Variants in SMC5 observed in about 807,000 individuals in gnomAD.
SMC5 encodes the protein structural maintenance of chromosomes 5.
A neutral mutation model predicts 148.3 loss-of-function variants in SMC5; 88 were observed. That is an observed-to-expected ratio of 0.59 (90% confidence interval 0.50 to 0.71). The LOEUF (loss-of-function observed/expected upper bound fraction) is 0.71, where lower values mean the gene tolerates loss of function less well. Among genes scored for constraint, SMC5 ranks in the 30% least tolerant of loss-of-function variants. The probability of loss-of-function intolerance (pLI) is 0.00; values close to 1 mark genes in which losing one functional copy is unlikely to be tolerated. For synonymous variants in SMC5, 421 were observed against 432.8 expected (o/e 0.97, Z 0.34); for missense variants, 1,142 against 1,298.9 (o/e 0.88, Z 1.86).
rs1319466894 is a variant in SMC5, at chr9:70,297,954, TTG to T, written c.1054-10_1054-9del. 6.2e-7 allele frequency: 1 copy of T among 1,606,216 alleles called. No homozygotes were observed. Among genetic ancestry groups the T allele is most frequent in the African/African-American group, 1.3e-5 (1 of 74,280 alleles). On this transcript the variant is annotated splice_polypyrimidine_tract_variant and intron_variant, in intron 8 of 24. Coordinates refer to ENST00000361138, the MANE Select transcript of SMC5 (RefSeq NM_015110.4). ...AACAGTCTCAAGTACTAACCTACTT[TTG>T]TTTTATTAGATTGAGGAACTTCAGC...
chr9:70,336,547 G>A (rs1487795892), intron 17 of SMC5, among the ~76,000 whole-genome samples: 1 of 152,168 alleles, frequency 6.6e-6, no homozygotes, highest in Non-Finnish European at 1.5e-5. Context: ...AGCAATCAAA[G>A]GTAAGTTCCA....
At chr9:70,352,140 CTA>C in intron 24 of SMC5, 49 bp from the exon 25 acceptor site, 1 of 1,465,452 alleles carries the variant, frequency 6.8e-7, no homozygotes, top group South Asian at 1.3e-5. Flanking sequence ...GGTTGGAAAA[CTA>C]TACTTCTCAG....
At chr9:70,259,455 T>G (rs1427125830) in intron 1 of SMC5, among the ~76,000 whole-genome samples, 192 bp downstream of exon 1, 1 of 152,194 alleles carries the variant, frequency 6.6e-6, no homozygotes, top group African/African-American at 2.4e-5. Context: ...ATGTAGGAGA[T>G]GTGTGCCTTG....
At chr9:70,342,208 G>C (rs2036544850) in intron 17 of SMC5, among the ~76,000 whole-genome samples, 2 of 139,822 alleles carry the variant, frequency 1.4e-5, no homozygotes, top group Non-Finnish European at 3.0e-5. Flanking sequence ...ATGGACACAG[G>C]AAGGGGAACA....
intron 17 of SMC5, among the ~76,000 whole-genome samples, chr9:70,338,981 C>G (rs1397909939): frequency 3.3e-5 from 5 of 152,044 alleles, no homozygotes; most frequent in African/African-American, 1.2e-4. Context: ...CACTGTAAGA[C>G]CTTATCTCTA....
At chr9:70,326,543 ATTACT>A (rs2036081466) in intron 17 of SMC5, among the ~76,000 whole-genome samples, 1 of 151,602 alleles carries the variant, frequency 6.6e-6, no homozygotes. Flanking sequence ...AGGGAAAGTG[ATTACT>A]TTGACTTTAT....
intron 22 of SMC5, among the ~76,000 whole-genome samples, chr9:70,349,310 A>AC (rs1389514535): frequency 6.6e-6 from 1 of 151,768 alleles, no homozygotes; most frequent in Non-Finnish European, 1.5e-5. Flanking sequence ...GAAGTGATCC[A>AC]CCCCCCTCGG....
intron 18 of SMC5, 145 bp downstream of exon 18, chr9:70,344,414 A>G: frequency 3.3e-6 from 1 of 305,856 alleles, no homozygotes. Flanking sequence ...CTGAATATAT[A>G]TATATATATA....
At chr9:70,347,232 C>A in intron 20 of SMC5, 71 bp downstream of exon 20, 1 of 1,248,158 alleles carries the variant, frequency 8.0e-7, no homozygotes. Flanking sequence ...CACACATACA[C>A]ACACAGAGTT....
chr9:70,345,990 G>A (rs957546952), intron 18 of SMC5, among the ~76,000 whole-genome samples: 4 of 152,126 alleles, frequency 2.6e-5, no homozygotes, highest in Non-Finnish European at 5.9e-5. Context: ...TGATGGATTT[G>A]ACATGAAGGA....
chr9:70,351,584 C>G (rs1443362214), intron 24 of SMC5, among the ~76,000 whole-genome samples: 1 of 152,082 alleles, frequency 6.6e-6, no homozygotes, highest in African/African-American at 2.4e-5. Context: ...GTGAAAGTAT[C>G]TACCCTAGGA....
intron 17 of SMC5, among the ~76,000 whole-genome samples, chr9:70,327,027 T>TA (rs2036099420): frequency 1.3e-5 from 2 of 152,278 alleles, no homozygotes; most frequent in Non-Finnish European, 2.9e-5. Flanking sequence ...AGAAGATACA[T>TA]AATAAAACCT....
chr9:70,317,220 A>G (rs1277551659), intron 13 of SMC5, among the ~76,000 whole-genome samples: 1 of 152,084 alleles, frequency 6.6e-6, no homozygotes, highest in Non-Finnish European at 1.5e-5. Flanking sequence ...TAATGGCTGT[A>G]TCTCTTCCTC....
At position 70,353,855 on chromosome 9, in the gene SMC5, G is replaced by GT. The variant is rs1430805411; in HGVS notation, c.*1528dup. 2 of 152,170 alleles carry GT rather than the reference G, an allele frequency of 1.3e-5. No individual in the cohort carries two copies. The highest frequency in any genetic ancestry group is 2.9e-5 in the Non-Finnish European group (2 of 68,042). The allele number at this position is 152,170 out of a possible 1,614,324, so 9.4% of individuals were successfully genotyped here. A position where few individuals can be genotyped will look rare whatever the true frequency, so the allele number is the denominator to read the frequency against. On this transcript the variant is annotated 3_prime_UTR_variant, in exon 25 of 25. Coordinates refer to ENST00000361138, the MANE Select transcript of SMC5 (RefSeq NM_015110.4). ...TATTAGTAAATGGATATTACCAAAT[G>GT]TTTTCATCGTTAATTACTTTGCGTT...
At position 70,267,991 on chromosome 9, in the gene SMC5, G is replaced by T; in HGVS notation, c.380+16G>T. ...AAATTGAATTGTAAGTGTTAAAAGT[G>T]CTAAAACTCCTTTTTCCTATAAAAT... On this transcript the variant is annotated intron_variant, in intron 3 of 24. Transcript: ENST00000361138. 1.3e-6 allele frequency: 2 copies of T among 1,597,328 alleles called. No homozygotes were observed. Among genetic ancestry groups the T allele is most frequent in the Non-Finnish European group, 1.7e-6 (2 of 1,172,050 alleles).
At position 70,298,102 on chromosome 9, in the gene SMC5, A is replaced by C; in HGVS notation, c.1190A>C (p.Gln397Pro). 1 of 1,614,092 alleles carries C rather than the reference A, an allele frequency of 6.2e-7. No individual in the cohort carries two copies. Among genetic ancestry groups the C allele is most frequent in the Admixed American group, 1.7e-5 (1 of 60,030 alleles). The change falls in exon 9 of 25, where the codon CAG (glutamine) becomes CCG (proline). Residue 397 changes from glutamine to proline, a missense_variant. By Grantham distance (76) the Gln-to-Pro change is moderately conservative. Around this residue, in one of 5 missense-constraint regions of SMC5, gnomAD observed 743 missense variants for 835.7 expected, o/e 0.89. Transcript: ENST00000361138. ...LKTTENCENL[Q>P]PQIDAITNDL... ...ACCACGGAAAACTGCGAGAATCTTC[A>C]GCCCCAGATTGATGCCATTACAAAT...
chr9:70,337,450 GTTTTTTTTTTTT>G (rs201218742), intron 17 of SMC5, among the ~76,000 whole-genome samples: 16 of 119,938 alleles, frequency 1.3e-4, no homozygotes, highest in African/African-American at 6.8e-4. Flanking sequence ...TTTGGGATTT[GTTTTTTTTTTTT>G]TTTTTTTTTT....
chr9:70,289,303 G>A (rs1180130), intron 8 of SMC5, among the ~76,000 whole-genome samples: 149,892 of 152,274 alleles, frequency 0.98, 73,817 homozygotes, highest in East Asian at 1. Context: ...CTCCCAAAGT[G>A]CTAGAATTAC....
At chr9:70,329,013 G>A (rs182648565) in intron 17 of SMC5, among the ~76,000 whole-genome samples, 43 of 152,282 alleles carry the variant, frequency 2.8e-4, no homozygotes, top group Non-Finnish European at 4.9e-4. Context: ...AGCCACACCC[G>A]GAGTGGCTAG....
Sources: allele counts gnomAD v4.1 joint callset (sites outside exome capture counted in the v4.1 genomes callset), GRCh38; gene constraint gnomAD v4.1.1; regional missense constraint gnomAD v4.1.1; transcripts MANE v1.5; gene names NCBI Gene and HGNC (gene_info 2026-07-23, HGNC 2026-07-21).